AGBL4: variants seen among roughly 807,000 people sequenced by gnomAD.
AGBL4 encodes cytosolic carboxypeptidase 6.
A neutral mutation model predicts 66.4 loss-of-function variants in AGBL4; 58 were observed. That is an observed-to-expected ratio of 0.87 (90% confidence interval 0.71 to 1.09). The LOEUF is 1.09. Among genes scored for constraint, AGBL4 ranks in the 50% least tolerant of loss-of-function variants. The probability of loss-of-function intolerance (pLI) is 0.00; values close to 1 mark genes in which losing one functional copy is unlikely to be tolerated. For synonymous variants in AGBL4, 234 were observed against 222.9 expected (o/e 1.05, Z -0.44); for missense variants, 579 against 631.0 (o/e 0.92, Z 0.88).
At chr1:49,574,940 G>A (rs1644406681) in intron 3 of AGBL4, among the ~76,000 whole-genome samples, 2 of 151,982 alleles carry the variant, frequency 1.3e-5, no homozygotes, top group Non-Finnish European at 2.9e-5. Flanking sequence ...GAGAATCATG[G>A]CCCCTCAATC....
intron 2 of AGBL4, among the ~76,000 whole-genome samples, chr1:49,759,075 C>T (rs1183824619): frequency 6.6e-6 from 1 of 152,118 alleles, no homozygotes; most frequent in African/African-American, 2.4e-5. Context: ...GCAGTTTCCC[C>T]TTTTCTCTCT....
Position 49,168,432 on chromosome 1 carries a change from C to T in AGBL4, c.377+77338G>A, listed in dbSNP as rs551380448. ...GCTCAAGCATGTTTTTTCCTTGATG[C>T]TACCAATAACCCTATGGAAAGATCA... On this transcript the variant is annotated intron_variant, in intron 4 of 13. Coordinates refer to ENST00000371839, the MANE Select transcript of AGBL4 (RefSeq NM_032785.4). Among the ~76,000 whole-genome samples, 4 of 152,286 alleles carry T rather than the reference C, an allele frequency of 2.6e-5. No homozygotes were observed. In the South Asian group the frequency reaches 8.3e-4, roughly 32 times the overall value.
chr1:49,381,182 A>G (rs1175580146), intron 3 of AGBL4, among the ~76,000 whole-genome samples: 1 of 152,178 alleles, frequency 6.6e-6, no homozygotes, highest in South Asian at 2.1e-4. Flanking sequence ...AAAAGTGGGC[A>G]AAGGATATGA....
chr1:48,634,576 G>A lies in AGBL4; in HGVS notation c.868C>T (p.Arg290Cys), dbSNP rs748307842. 62 of 1,604,062 alleles carry A rather than the reference G, an allele frequency of 3.9e-5. No individual in the cohort carries two copies. The highest frequency in any genetic ancestry group is 1.4e-4 in the Admixed American group (8 of 58,940). The change falls in exon 9 of 14, where the codon CGT (arginine) becomes TGT (cysteine). Residue 290 changes from arginine to cysteine, a missense_variant. Transcript: ENST00000371839. The stretch of plus-strand genomic sequence containing the variant: ...CATGGAGAGGGATCCAGCCAGTGAC[G>A]ATTCAGATCAAATCCCATCAGAGAA... ...RCSLMGFDLNRHWLDPSPWVH... is the reference protein window; with the variant it reads ...RCSLMGFDLNCHWLDPSPWVH...
rs1356942589 is a variant in AGBL4, at chr1:49,529,942, G to A, written c.282+167371C>T. ...AGAAACTCTGAGATATTTAAGAGGT[G>A]AAAGAGGAAAAGGAGATGGGAATGG... is the stretch of plus-strand genomic sequence containing the variant. On this transcript the variant is annotated intron_variant, in intron 3 of 13. Transcript: ENST00000371839. Among the ~76,000 whole-genome samples the A allele has an allele frequency of 3.3e-5, 5 of 151,946 alleles. No homozygotes were observed. The East Asian group carries it at 5.8e-4, about 18-fold the overall frequency.
chr1:49,641,953 A>T (rs1241380753), intron 3 of AGBL4, among the ~76,000 whole-genome samples: 1 of 151,964 alleles, frequency 6.6e-6, no homozygotes, highest in Admixed American at 6.6e-5. Context: ...TTATTTCCAA[A>T]TTTCAGGATT....
chr1:49,665,907 T>A (rs1398556838), intron 3 of AGBL4, among the ~76,000 whole-genome samples: 1 of 151,366 alleles, frequency 6.6e-6, no homozygotes, highest in African/African-American at 2.4e-5. Context: ...AAAATTGGTC[T>A]TCTTGTTCAT....
intron 11 of AGBL4, among the ~76,000 whole-genome samples, chr1:48,548,982 C>G (rs1452574579): frequency 6.6e-6 from 1 of 152,184 alleles, no homozygotes; most frequent in Non-Finnish European, 1.5e-5. Context: ...AGAAAACAGA[C>G]ACATCCCTGT....
In AGBL4 at chr1:49,420,515, A is replaced by G. The variant is rs577030781; in HGVS notation, c.283-174651T>C. ...GGAGATTGAGACCATCCTGGCAAACACGGTGAAACCCCGACTCCACTAAAA... is the reference window on the plus strand; with the variant it reads ...GGAGATTGAGACCATCCTGGCAAACGCGGTGAAACCCCGACTCCACTAAAA... On this transcript the variant is annotated intron_variant, in intron 3 of 13. Coordinates refer to ENST00000371839, the MANE Select transcript of AGBL4 (RefSeq NM_032785.4). Among the ~76,000 whole-genome samples, 6 of 152,230 alleles carry G rather than the reference A, an allele frequency of 3.9e-5. No individual in the cohort carries two copies. The East Asian group carries it at 9.7e-4, about 25-fold the overall frequency.
chr1:49,387,069 TGAATAAGCAAA>T (rs1644750710), intron 3 of AGBL4, among the ~76,000 whole-genome samples: 1 of 151,930 alleles, frequency 6.6e-6, no homozygotes, highest in Admixed American at 6.6e-5. Flanking sequence ...CTAATACACA[TGAATAAGCAAA>T]GAGTCAATTT....
At chr1:49,299,001 T>C (rs1644694928) in intron 3 of AGBL4, among the ~76,000 whole-genome samples, 1 of 152,146 alleles carries the variant, frequency 6.6e-6, no homozygotes, top group Non-Finnish European at 1.5e-5. Flanking sequence ...AAACAATGGA[T>C]ACAACAACAG....
At chr1:49,328,653 C>G (rs1250111952) in intron 3 of AGBL4, among the ~76,000 whole-genome samples, 3 of 152,188 alleles carry the variant, frequency 2.0e-5, no homozygotes, top group Non-Finnish European at 4.4e-5. Flanking sequence ...CTGCTACCAC[C>G]TCACACTCAA....
chr1:48,566,149 C>T (rs935294800), intron 11 of AGBL4, among the ~76,000 whole-genome samples: 1 of 152,172 alleles, frequency 6.6e-6, no homozygotes, highest in South Asian at 2.1e-4. Context: ...TTTCCATGAT[C>T]TGACCCCATA....
intron 8 of AGBL4, among the ~76,000 whole-genome samples, chr1:48,637,345 C>T (rs1191470411): frequency 6.6e-6 from 1 of 152,170 alleles, no homozygotes; most frequent in Non-Finnish European, 1.5e-5. Context: ...TGCTCTGTTC[C>T]CTCCCAGGTG....
chr1:48,966,931 C>T (rs530854589), intron 5 of AGBL4, among the ~76,000 whole-genome samples: 137 of 152,020 alleles, frequency 9.0e-4, no homozygotes, highest in Non-Finnish European at 1.5e-3. Flanking sequence ...TGGGAGGGTC[C>T]TCTCCTTGTC....
intron 3 of AGBL4, among the ~76,000 whole-genome samples, chr1:49,633,062 G>A (rs1216090237): frequency 1.3e-5 from 2 of 151,828 alleles, no homozygotes; most frequent in Non-Finnish European, 2.9e-5. Flanking sequence ...GACAGAGCAA[G>A]ACTCCATCTC....
chr1:49,442,264 A>C (rs1646051586), intron 3 of AGBL4, among the ~76,000 whole-genome samples: 1 of 152,190 alleles, frequency 6.6e-6, no homozygotes, highest in African/African-American at 2.4e-5. Flanking sequence ...CAGGCATATA[A>C]GCAAAAATTA....
At chr1:49,192,828 G>A (rs1494463) in intron 4 of AGBL4, among the ~76,000 whole-genome samples, 65,834 of 151,984 alleles carry the variant, frequency 0.43, 16,886 homozygotes, top group Non-Finnish European at 0.58. Flanking sequence ...TGATAAGTTG[G>A]TGAGGTAACA....
chr1:48,939,753 C>G (rs1321600678), intron 5 of AGBL4, among the ~76,000 whole-genome samples: 1 of 152,216 alleles, frequency 6.6e-6, no homozygotes, highest in African/African-American at 2.4e-5. Context: ...GGTTTGCTCT[C>G]CTTCTTCAAA....
Sources: gnomAD v4.1 joint callset for allele counts (sites outside exome capture counted in the v4.1 genomes callset) on GRCh38, gnomAD v4.1.1 for gene constraint, MANE v1.5 for transcripts, NCBI Gene and HGNC (gene_info 2026-07-23, HGNC 2026-07-21) for gene names.